The following TPCN1 variants were observed in gnomAD, a reference collection of about 807,000 sequenced individuals.
TPCN1 encodes two pore channel protein 1.
A neutral mutation model predicts 108.8 loss-of-function variants in TPCN1; 52 were observed. The ratio of observed to expected loss-of-function variants is 0.48; its 90% CI spans 0.38 to 0.60. The LOEUF (loss-of-function observed/expected upper bound fraction) is 0.60. Among genes scored for constraint, TPCN1 ranks in the 20% least tolerant of loss-of-function variants. TPCN1 has a pLI of 0.00. For missense variants in TPCN1, 806 were observed against 1,072.8 expected (o/e 0.75, Z 3.47); for synonymous variants, 446 against 433.7 (o/e 1.03, Z -0.35).
chr12:113,270,868 C>T (rs1388250861), intron 7 of TPCN1, among the ~76,000 whole-genome samples: 2 of 152,192 alleles, frequency 1.3e-5, no homozygotes, highest in East Asian at 3.9e-4. Flanking sequence ...CACCTCCTAA[C>T]ACCCTCAACT....
intron 2 of TPCN1, among the ~76,000 whole-genome samples, chr12:113,251,642 C>T (rs537551642): frequency 6.6e-6 from 1 of 152,348 alleles, no homozygotes; most frequent in East Asian, 1.9e-4. Flanking sequence ...CTGTTGCCTT[C>T]GGCGGCCAGC....
intron 1 of TPCN1, among the ~76,000 whole-genome samples, chr12:113,226,400 TTACC>T (rs1953471702): frequency 6.6e-6 from 1 of 152,054 alleles, no homozygotes; most frequent in Non-Finnish European, 1.5e-5. Flanking sequence ...CATGCCTCAG[TTACC>T]CGAGTACCTG....
rs891873591 is a variant in TPCN1 at position 113,269,561 on chromosome 12, C to A, written c.660-196C>A. ...TGGAGGTGGCTGTGTGCTACGCCTG[C>A]CCTAGTTCTTCCCTGCCATCCGCTG... On this transcript the variant is annotated intron_variant, in intron 6 of 27. Transcript: ENST00000335509. The surrounding 1 kb of genome is among the most constrained non-coding windows in gnomAD (Gnocchi z 5.0). 4.6e-5 allele frequency among the ~76,000 whole-genome samples: 7 copies of A among 152,160 alleles called. No individual in the cohort carries two copies. Among genetic ancestry groups the A allele is most frequent in the Admixed American group, 3.3e-4 (5 of 15,282 alleles).
chr12:113,233,125 C>T (rs1308944808), intron 2 of TPCN1, among the ~76,000 whole-genome samples: 1 of 152,208 alleles, frequency 6.6e-6, no homozygotes, highest in African/African-American at 2.4e-5. Context: ...TTCACTTCCT[C>T]AGCCCTCCAC....
intron 3 of TPCN1, among the ~76,000 whole-genome samples, chr12:113,262,461 TG>T (rs1371164437): frequency 1.3e-5 from 2 of 152,022 alleles, no homozygotes; most frequent in Non-Finnish European, 2.9e-5. Context: ...GTTTGATGGT[TG>T]TTCAATCATC....
At chr12:113,280,227 T>G (rs1376797491) in intron 15 of TPCN1, 32 bp downstream of exon 15, 1 of 1,589,410 alleles carries the variant, frequency 6.3e-7, no homozygotes, top group South Asian at 1.1e-5. Flanking sequence ...TCTAGGCCAC[T>G]TTCCCCCTGA....
Position 113,291,794 on chromosome 12 carries a change from T to C in TPCN1, c.2029-80T>C, listed in dbSNP as rs1431422168. 6 of 1,568,702 alleles carry C rather than the reference T, an allele frequency of 3.8e-6. No individual in the cohort carries two copies. In the African/African-American group the frequency reaches 5.4e-5, roughly 14 times the overall value. On this transcript the variant is annotated intron_variant, in intron 24 of 27. Coordinates refer to ENST00000335509, the MANE Select transcript of TPCN1 (RefSeq NM_017901.6). ...CTGGGTCCCATCTGGCCGGACTCTG[T>C]TGGGCGTGGGCTGCGCAGCCACGGA...
chr12:113,247,982 C>A (rs1276354431), intron 2 of TPCN1, among the ~76,000 whole-genome samples: 1 of 152,252 alleles, frequency 6.6e-6, no homozygotes, highest in African/African-American at 2.4e-5. Context: ...TTCACCTTAG[C>A]TCTTGAGTCT....
chr12:113,246,352 G>A (rs966961518), intron 2 of TPCN1, among the ~76,000 whole-genome samples: 1 of 152,256 alleles, frequency 6.6e-6, no homozygotes, highest in Non-Finnish European at 1.5e-5. Flanking sequence ...TGTCTGCCCA[G>A]GGCACCAGAA....
rs542176345 is a variant in TPCN1, at chr12:113,296,214, A to G, written c.*138A>G. 4.5e-6 allele frequency: 6 copies of G among 1,343,272 alleles called. No individual in the cohort carries two copies. Among genetic ancestry groups the G allele is most frequent in the Non-Finnish European group, 5.0e-6 (5 of 1,006,494 alleles). The allele number at this position is 1,343,272 out of a possible 1,614,324, so 83.2% of individuals were successfully genotyped here. On this transcript the variant is annotated 3_prime_UTR_variant, in exon 28 of 28. Transcript: ENST00000335509. ...TACAGGAAGAAAAAAGACAGACAAG[A>G]TGGGGCTTGGTTTATAACCACCTTG...
chr12:113,239,831 A>C, intron 2 of TPCN1, among the ~76,000 whole-genome samples: 1 of 151,852 alleles, frequency 6.6e-6, no homozygotes, highest in Non-Finnish European at 1.5e-5. Flanking sequence ...TCTCTTTTTT[A>C]TCTCTCTTTT....
chr12:113,241,585 G>A (rs1262453274), intron 2 of TPCN1, among the ~76,000 whole-genome samples: 3 of 152,296 alleles, frequency 2.0e-5, no homozygotes, highest in South Asian at 2.1e-4. Context: ...GAACCAGAGC[G>A]CACCAGTGCA....
At chr12:113,223,435 C>CTTTTTTTTTTTTTTTTTTT (rs1172851714) in intron 1 of TPCN1, among the ~76,000 whole-genome samples, 2 of 120,290 alleles carry the variant, frequency 1.7e-5, no homozygotes, top group Non-Finnish European at 3.5e-5. Context: ...TCTGCTGAGT[C>CTTTTTTTTTTTTTTTTTTT]TTTTTTTTTT....
Position 113,266,367 on chromosome 12 carries a change from A to C in TPCN1, c.414+11A>C. On this transcript the variant is annotated intron_variant, in intron 4 of 27. Transcript: ENST00000335509. The surrounding 1 kb of genome is among the most constrained non-coding windows in gnomAD (Gnocchi z 4.2). Reference sequence around the variant, plus strand: ...CGGCTTGGCATCTATGTGAGCGCACATGCTCCTCATACGGGGGGCTGGGAG... The same window carrying C: ...CGGCTTGGCATCTATGTGAGCGCACCTGCTCCTCATACGGGGGGCTGGGAG... 6.2e-7 allele frequency: 1 copy of C among 1,603,472 alleles called. No homozygotes were observed. Among genetic ancestry groups the C allele is most frequent in the Non-Finnish European group, 8.5e-7 (1 of 1,179,430 alleles).
intron 23 of TPCN1, 89 bp from the exon 24 acceptor site, chr12:113,291,520 C>A: frequency 8.6e-7 from 1 of 1,156,822 alleles, no homozygotes; most frequent in Non-Finnish European, 1.3e-6. Flanking sequence ...GTGGGGTCTG[C>A]GAAGAGCCGG....
chr12:113,279,706 G>A (rs528929042), intron 14 of TPCN1, among the ~76,000 whole-genome samples: 4 of 152,066 alleles, frequency 2.6e-5, no homozygotes, highest in South Asian at 2.1e-4. Flanking sequence ...GCCCGACCCC[G>A]ATAATATATT....
In TPCN1 at chr12:113,268,667, A is replaced by T. The variant is rs964787206; in HGVS notation, c.529-75A>T. On this transcript the variant is annotated intron_variant, in intron 5 of 27. Transcript: ENST00000335509. This position sits in a 1 kb window ranked among gnomAD's most constrained non-coding sequence, Gnocchi z 7.3. ...AGGCCAGAGTGGGCACTGCCTCTCC[A>T]GCCCCCCGTTCCAGGTATGCAGGAT... 2.7e-5 allele frequency: 42 copies of T among 1,576,922 alleles called. No homozygotes were observed. In the South Asian group the frequency reaches 4.1e-4, roughly 15 times the overall value.
At position 113,257,213 on chromosome 12, in the gene TPCN1, C is replaced by T. The variant is rs1178838282; in HGVS notation, c.113-3155C>T. 3.3e-5 allele frequency among the ~76,000 whole-genome samples: 5 copies of T among 152,278 alleles called. No homozygotes were observed. The East Asian group carries it at 9.6e-4, about 29-fold the overall frequency. On this transcript the variant is annotated intron_variant, in intron 2 of 27. Transcript: ENST00000335509. The stretch of plus-strand genomic sequence containing the variant: ...ATCTTTTGAAATGCTTAAAGTTGGC[C>T]AGGCGCAGCAGCCCATGCCTGTGAT...
At chr12:113,247,687 T>C (rs994797279) in intron 2 of TPCN1, among the ~76,000 whole-genome samples, 1 of 152,230 alleles carries the variant, frequency 6.6e-6, no homozygotes, top group Non-Finnish European at 1.5e-5. Context: ...GAACTGTGGC[T>C]CCTCGCCTTC....
Sources: gnomAD v4.1 joint callset for allele counts (sites outside exome capture counted in the v4.1 genomes callset) on GRCh38, gnomAD v4.1.1 for gene constraint, Gnocchi (gnomAD v3.1) non-coding constraint, MANE v1.5 for transcripts, NCBI Gene and HGNC (gene_info 2026-07-23, HGNC 2026-07-21) for gene names.